The following EPHA4 variants were observed in gnomAD, a reference collection of about 807,000 sequenced individuals.
The protein encoded by EPHA4 is EPH receptor A4, also known as ephrin type-A receptor 4.
EPHA4 carries 19 observed loss-of-function variants against 108.3 expected under a neutral mutation model. The observed-to-expected ratio is 0.18, with a 90% CI of 0.12 to 0.26. The LOEUF (loss-of-function observed/expected upper bound fraction) is 0.26, where lower values mean the gene tolerates loss of function less well. Among genes scored for constraint, EPHA4 ranks in the 10% least tolerant of loss-of-function variants. EPHA4 has a pLI of 1.00. For missense variants in EPHA4, 917 were observed against 1,254.0 expected, an observed-to-expected ratio of 0.73 and a Z score of 4.06; for synonymous variants, 449 against 455.5, an observed-to-expected ratio of 0.99 and a Z score of 0.18.
intron 5 of EPHA4, among the ~76,000 whole-genome samples, chr2:221,464,224 A>G (rs192782186): frequency 6.6e-6 from 1 of 152,208 alleles, no homozygotes; most frequent in South Asian, 2.1e-4. Flanking sequence ...ATAGAAAAAT[A>G]TAAACCCACC....
rs368730521 is a variant in EPHA4, at chr2:221,442,813, G to T, written c.2074+16C>A. ...TAACTTCTAGCTTGGCTTTGTAAAG[G>T]GGGTGACCCACGTACATTTAGTGAC... On this transcript the variant is annotated intron_variant, in intron 11 of 17. Transcript: ENST00000281821. 3 of 1,613,350 alleles carry T rather than the reference G, an allele frequency of 1.9e-6. No individual in the cohort carries two copies. Among genetic ancestry groups the T allele is most frequent in the African/African-American group, 2.7e-5 (2 of 75,016 alleles).
At position 221,503,759 on chromosome 2, in the gene EPHA4, C is replaced by T. The variant is rs566639403; in HGVS notation, c.824-2587G>A. On this transcript the variant is annotated intron_variant, in intron 3 of 17. Transcript: ENST00000281821. ...TCGGCAGCCTTGCTACCCTTAACACCTTCTTTTGTCTCCAACTACATTAAG... is the reference window on the plus strand; with the variant it reads ...TCGGCAGCCTTGCTACCCTTAACACTTTCTTTTGTCTCCAACTACATTAAG... Among the ~76,000 whole-genome samples, 16 of 152,276 alleles carry T rather than the reference C, an allele frequency of 1.1e-4. No homozygotes were observed. In the South Asian group the frequency reaches 3.3e-3, roughly 32 times the overall value.
intron 9 of EPHA4, among the ~76,000 whole-genome samples, chr2:221,445,394 C>G (rs531770109): frequency 1.1e-4 from 17 of 151,998 alleles, no homozygotes; most frequent in African/African-American, 4.1e-4. Context: ...TGGAGACCAT[C>G]CTGGCTAACA....
chr2:221,436,324 G>A, intron 13 of EPHA4, 75 bp downstream of exon 13: 1 of 1,393,944 alleles, frequency 7.2e-7, no homozygotes, highest in African/African-American at 1.4e-5. Flanking sequence ...AATTACAAAG[G>A]GCTTCAATCT....
chr2:221,457,872 A>G lies in EPHA4; in HGVS notation c.1437T>C (p.Tyr479=). ...TTGTTCACTCAAGTAATACCTTCTC[A>G]TAATACTTGACTTCATATTCCAGGA... ...GVILEYEVKY[Y]EKDQNERSYR... is the part of the protein sequence containing the mutation. The change falls in exon 6 of 18, where the codon TAT becomes TAC. Residue 479 remains tyrosine, a synonymous_variant. Coordinates refer to ENST00000281821, the MANE Select transcript of EPHA4 (RefSeq NM_004438.5). 2 of 1,613,582 alleles carry G rather than the reference A, an allele frequency of 1.2e-6. No homozygotes were observed. Among genetic ancestry groups the G allele is most frequent in the Non-Finnish European group, 1.7e-6 (2 of 1,179,624 alleles).
At chr2:221,512,871 T>TTC (rs1692869607) in intron 3 of EPHA4, among the ~76,000 whole-genome samples, 1 of 152,248 alleles carries the variant, frequency 6.6e-6, no homozygotes, top group Non-Finnish European at 1.5e-5. Flanking sequence ...AATATGAGGC[T>TTC]GTTCCCTTCA....
At chr2:221,487,146 C>T (rs1361855352) in intron 4 of EPHA4, among the ~76,000 whole-genome samples, 1 of 151,188 alleles carries the variant, frequency 6.6e-6, no homozygotes, top group Admixed American at 6.6e-5. Context: ...ATTCAAAAAA[C>T]ATTTATGGTG....
rs1002273252 is a variant in EPHA4 at position 221,434,151 on chromosome 2, G to A, written c.2487C>T (p.Ser829=). 1 of 1,612,730 alleles carries A rather than the reference G, an allele frequency of 6.2e-7. No homozygotes were observed. Among genetic ancestry groups the A allele is most frequent in the Non-Finnish European group, 8.5e-7 (1 of 1,179,430 alleles). The change falls in exon 14 of 18, where the codon TCC becomes TCT. Residue 829 remains serine (S), a synonymous_variant. Coordinates refer to ENST00000281821, the MANE Select transcript of EPHA4 (RefSeq NM_004438.5). The part of the protein sequence containing the change: ...SYGERPYWDM[S]NQDVIKAIEE... Reference sequence around the variant, plus strand: ...GAACATAGAGACTTACATCTTGATTGGACATATCCCAATAGGGCCTCTCCC... The same window carrying A: ...GAACATAGAGACTTACATCTTGATTAGACATATCCCAATAGGGCCTCTCCC...
intron 5 of EPHA4, among the ~76,000 whole-genome samples, chr2:221,475,094 C>T (rs1399061763): frequency 6.6e-6 from 1 of 152,172 alleles, no homozygotes; most frequent in Non-Finnish European, 1.5e-5. Flanking sequence ...TGGTCTTGAA[C>T]TCTTGGGCTC....
intron 13 of EPHA4, among the ~76,000 whole-genome samples, chr2:221,435,937 C>A (rs201445598): frequency 4.3e-4 from 59 of 137,924 alleles, no homozygotes; most frequent in South Asian, 6.8e-4. Flanking sequence ...AAAACAACAA[C>A]AAAAAAAAAA....
intron 4 of EPHA4, among the ~76,000 whole-genome samples, chr2:221,492,609 A>G (rs1007155518): frequency 3.9e-5 from 6 of 152,226 alleles, no homozygotes; most frequent in African/African-American, 1.2e-4. Context: ...GCAATCCGAA[A>G]GGAAGAAACA....
At chr2:221,458,254 C>T (rs180923345) in intron 5 of EPHA4, among the ~76,000 whole-genome samples, 1 of 152,188 alleles carries the variant, frequency 6.6e-6, no homozygotes, top group Non-Finnish European at 1.5e-5. Flanking sequence ...TTCCACAGCA[C>T]GTAGAGACAT....
chr2:221,438,893 T>C (rs1690328633), intron 11 of EPHA4, among the ~76,000 whole-genome samples: 1 of 152,208 alleles, frequency 6.6e-6, no homozygotes, highest in Admixed American at 6.5e-5. Flanking sequence ...AAAGCACCCA[T>C]AATTATTCTA....
chr2:221,495,396 A>C (rs1390468343), intron 4 of EPHA4, among the ~76,000 whole-genome samples: 1 of 152,170 alleles, frequency 6.6e-6, no homozygotes, highest in Non-Finnish European at 1.5e-5. Flanking sequence ...GGTTTTACAG[A>C]TCAGTAGCTT....
At chr2:221,439,404 G>A (rs760699742) in intron 11 of EPHA4, among the ~76,000 whole-genome samples, 1 of 151,638 alleles carries the variant, frequency 6.6e-6, no homozygotes, top group Non-Finnish European at 1.5e-5. Flanking sequence ...GCTGAGACAG[G>A]AGAATCACTT....
chr2:221,553,327 A>G (rs1455609845), intron 3 of EPHA4, among the ~76,000 whole-genome samples: 1 of 152,224 alleles, frequency 6.6e-6, no homozygotes, highest in African/African-American at 2.4e-5. Context: ...CTGCGATCCT[A>G]ATGAAGAATC....
chr2:221,436,440 G>A lies in EPHA4; in HGVS notation c.2305C>T (p.Arg769Ter), dbSNP rs56159060. 3 of 1,614,042 alleles carry A rather than the reference G, an allele frequency of 1.9e-6. No homozygotes were observed. Among genetic ancestry groups the A allele is most frequent in the Admixed American group, 1.7e-5 (1 of 60,014 alleles). Residue 769 changes from arginine to a stop codon, truncating the protein, a stop_gained, in exon 13 of 18, where the codon CGA (arginine) becomes TGA (stop). Coordinates refer to ENST00000281821, the MANE Select transcript of EPHA4 (RefSeq NM_004438.5). LOFTEE classifies it high-confidence loss of function. ...VCKVSDFGMS[R>*]VLEDDPEAAY... The stretch of plus-strand genomic sequence containing the variant: ...GCTTCCGGATCATCCTCAAGCACTC[G>A]GGACATGCCAAAATCAGACACTTTG...
At chr2:221,452,931 G>A (rs748659106) in intron 8 of EPHA4, among the ~76,000 whole-genome samples, 42 of 152,086 alleles carry the variant, frequency 2.8e-4, no homozygotes, top group African/African-American at 9.7e-4. Flanking sequence ...TTGTCTCCCC[G>A]CATTACATTT....
chr2:221,562,581 C>T (rs1694501740), intron 3 of EPHA4, among the ~76,000 whole-genome samples: 1 of 152,156 alleles, frequency 6.6e-6, no homozygotes, highest in Non-Finnish European at 1.5e-5. Context: ...ATCTACAGCT[C>T]AACAATTACC....
Sources: gnomAD v4.1 joint callset for allele counts (sites outside exome capture counted in the v4.1 genomes callset) on GRCh38, gnomAD v4.1.1 for gene constraint, MANE v1.5 for transcripts, NCBI Gene and HGNC (gene_info 2026-07-23, HGNC 2026-07-21) for gene names.